Variants in CECR2 observed in about 807,000 individuals in gnomAD.
CECR2 encodes the protein chromatin remodeling regulator CECR2.
A neutral mutation model predicts 154.5 loss-of-function variants in CECR2; 30 were observed. The observed-to-expected ratio is 0.19, with a 90% confidence interval of 0.15 to 0.26. CECR2 has a LOEUF of 0.26. Among genes scored for constraint, CECR2 ranks in the 10% least tolerant of loss-of-function variants. The pLI is 1.00. For missense variants in CECR2, 1,743 were observed against 1,829.3 expected, an observed-to-expected ratio of 0.95 and a Z score of 0.86; for synonymous variants, 725 against 683.7, an observed-to-expected ratio of 1.06 and a Z score of -0.94.
chr22:17,468,206 G>C (rs1406076438), intron 1 of CECR2, among the ~76,000 whole-genome samples: 1 of 152,200 alleles, frequency 6.6e-6, no homozygotes, highest in Non-Finnish European at 1.5e-5. Context: ...CTGAAAATAA[G>C]TAATATGTGG....
At chr22:17,417,162 G>A (rs1267006605) in intron 1 of CECR2, among the ~76,000 whole-genome samples, 1 of 151,928 alleles carries the variant, frequency 6.6e-6, no homozygotes, top group African/African-American at 2.4e-5. Context: ...CGTTTCAGAA[G>A]TTTCTGTTGT....
chr22:17,442,045 A>G (rs1169904818), intron 1 of CECR2, among the ~76,000 whole-genome samples: 2 of 152,124 alleles, frequency 1.3e-5, no homozygotes, highest in African/African-American at 4.8e-5. Context: ...CTAGAATCAA[A>G]CTCTGGTCTC....
chr22:17,382,628 G>A (rs1290897024), intron 1 of CECR2, among the ~76,000 whole-genome samples: 1 of 152,188 alleles, frequency 6.6e-6, no homozygotes, highest in African/African-American at 2.4e-5. Flanking sequence ...TTTTAGGCTG[G>A]GCACAGTGGC....
intron 1 of CECR2, among the ~76,000 whole-genome samples, chr22:17,363,939 T>A (rs2062988821): frequency 6.6e-6 from 1 of 152,026 alleles, no homozygotes; most frequent in Admixed American, 6.6e-5. Flanking sequence ...CCAGCCTAAT[T>A]TCTAAAAATT....
intron 9 of CECR2, among the ~76,000 whole-genome samples, chr22:17,525,033 C>T (rs1464316608): frequency 6.7e-6 from 1 of 149,140 alleles, no homozygotes; most frequent in African/African-American, 2.4e-5. Context: ...CCTGTAATCC[C>T]AGCACTTTGG....
chr22:17,464,190 A>G (rs914912532), intron 1 of CECR2, among the ~76,000 whole-genome samples: 1 of 152,252 alleles, frequency 6.6e-6, no homozygotes. Flanking sequence ...AAGTTTCACT[A>G]GTGAACTGCT....
chr22:17,518,914 A>C (rs2056107986), intron 8 of CECR2: 1 of 236,158 alleles, frequency 4.2e-6, no homozygotes, highest in Non-Finnish European at 8.5e-6. Flanking sequence ...AGAGATGTCC[A>C]TGGGGGAATG....
intron 8 of CECR2, among the ~76,000 whole-genome samples, chr22:17,520,395 A>T (rs2056136544): frequency 6.6e-6 from 1 of 151,732 alleles, no homozygotes; most frequent in Non-Finnish European, 1.5e-5. Flanking sequence ...GACAAGGCTC[A>T]GGTTTTTTTT....
At chr22:17,476,555 C>A (rs11913221) in intron 1 of CECR2, among the ~76,000 whole-genome samples, 26,278 of 152,038 alleles carry the variant, frequency 0.17, 2,964 homozygotes, top group Non-Finnish European at 0.25. Flanking sequence ...GAAACCCCAC[C>A]CCGTTTTGTG....
Position 17,504,890 on chromosome 22 carries a change from G to A in CECR2, c.744G>A (p.Gln248=), listed in dbSNP as rs771394430. 5.0e-6 allele frequency: 8 copies of A among 1,613,784 alleles called. No individual in the cohort carries two copies. The highest frequency in any genetic ancestry group is 6.8e-6 in the Non-Finnish European group (8 of 1,179,872). ...PGQGTWWLLC[Q]TEEEWRQVTE... is the part of the protein sequence containing the mutation. ...AAGGTACTTGGTGGCTCCTGTGCCA[G>A]ACAGAAGAGGAATGGAGACAGGTCA... The change falls in exon 7 of 19, where the codon CAG becomes CAA. Residue 248 remains glutamine, a synonymous_variant. Coordinates refer to ENST00000262608, the MANE Select transcript of CECR2 (RefSeq NM_001290047.2).
At chr22:17,470,548 C>T (rs537852133) in intron 1 of CECR2, among the ~76,000 whole-genome samples, 77 of 152,296 alleles carry the variant, frequency 5.1e-4, no homozygotes, top group African/African-American at 1.7e-3. Flanking sequence ...TCTGGCATCA[C>T]TCACCATCCC....
intron 1 of CECR2, among the ~76,000 whole-genome samples, chr22:17,382,870 C>G (rs1225593926): frequency 6.6e-6 from 1 of 151,854 alleles, no homozygotes; most frequent in African/African-American, 2.4e-5. Context: ...ACACTGCACT[C>G]CCCCCTGGGC....
intron 1 of CECR2, among the ~76,000 whole-genome samples, chr22:17,414,501 CT>C (rs11421612): frequency 0.085 from 11,243 of 132,422 alleles, 575 homozygotes; most frequent in South Asian, 0.14. Context: ...TATCAGTTTT[CT>C]TTTTTTTTTC....
chr22:17,448,262 G>A (rs2054709576), intron 1 of CECR2, among the ~76,000 whole-genome samples: 2 of 152,134 alleles, frequency 1.3e-5, no homozygotes, highest in Admixed American at 6.5e-5. Flanking sequence ...ACTACTTTCA[G>A]CAAATTAAAC....
chr22:17,413,290 A>G (rs1308314755), intron 1 of CECR2, among the ~76,000 whole-genome samples: 1 of 152,238 alleles, frequency 6.6e-6, no homozygotes, highest in Non-Finnish European at 1.5e-5. Flanking sequence ...TGACAGCAGC[A>G]GAGGGCATGA....
Position 17,542,550 on chromosome 22 carries a change from C to T in CECR2, c.2407C>T (p.Arg803Cys), listed in dbSNP as rs771332466. 1.4e-5 allele frequency: 23 copies of T among 1,613,874 alleles called. No individual in the cohort carries two copies. Among genetic ancestry groups the T allele is most frequent in the Non-Finnish European group, 1.7e-5 (20 of 1,179,890 alleles). Residue 803 changes from arginine to cysteine, a missense_variant, in exon 16 of 19, where the codon CGC (arginine) becomes TGC (cysteine). By Grantham distance (180) the Arg-to-Cys change is radical (BLOSUM62 -3). This residue lies in a region of CECR2 where 1,250 missense variants were observed against 1,192.1 expected (regional missense o/e 1.05). Coordinates refer to ENST00000262608, the MANE Select transcript of CECR2 (RefSeq NM_001290047.2). ...GGGGCCAGGACCCTCTCACCAGCCTCGCACTCTCGGTCACGTGATGGATTC... is the reference window on the plus strand; with the variant it reads ...GGGGCCAGGACCCTCTCACCAGCCTTGCACTCTCGGTCACGTGATGGATTC... Reference protein sequence around the residue: ...HLGPGPSHQPRTLGHVMDSRV... With the variant: ...HLGPGPSHQPCTLGHVMDSRV...
chr22:17,408,279 C>CT (rs2054015679), intron 1 of CECR2, among the ~76,000 whole-genome samples: 1 of 127,350 alleles, frequency 7.9e-6, no homozygotes, highest in Admixed American at 1.0e-4. Context: ...TTTATATTTG[C>CT]TTTTTTGTGG....
At chr22:17,415,376 C>A (rs1347767365) in intron 1 of CECR2, among the ~76,000 whole-genome samples, 1 of 151,928 alleles carries the variant, frequency 6.6e-6, no homozygotes, top group African/African-American at 2.4e-5. Flanking sequence ...TAGCTGGGAT[C>A]ACAGACAGGG....
intron 9 of CECR2, among the ~76,000 whole-genome samples, chr22:17,530,182 T>TC (rs1474213191): frequency 2.0e-5 from 3 of 151,828 alleles, no homozygotes; most frequent in Non-Finnish European, 2.9e-5. Flanking sequence ...TTTTTTTTTT[T>TC]CAAAACTCCT....
Sources: gnomAD v4.1 joint callset for allele counts (sites outside exome capture counted in the v4.1 genomes callset) on GRCh38, gnomAD v4.1.1 for gene constraint, gnomAD v4.1.1 regional missense constraint, MANE v1.5 for transcripts, NCBI Gene and HGNC (gene_info 2026-07-23, HGNC 2026-07-21) for gene names.